LRPPRC: variants seen among roughly 807,000 people sequenced by gnomAD.
LRPPRC encodes the protein leucine rich pentatricopeptide repeat containing, also known as leucine-rich PPR motif-containing protein, mitochondrial.
A neutral mutation model predicts 180.3 loss-of-function variants in LRPPRC; 120 were observed. The ratio of observed to expected loss-of-function variants is 0.67; its 90% CI spans 0.57 to 0.77. The LOEUF is 0.77. LRPPRC is among the 30% of genes least tolerant of loss of function. LRPPRC has a pLI of 0.00. For missense variants in LRPPRC, 2,012 were observed against 1,657.2 expected (o/e 1.21, Z -3.72); for synonymous variants, 723 against 600.0 (o/e 1.21, Z -3.00).
intron 31 of LRPPRC, 174 bp from the exon 32 acceptor site, chr2:43,901,698 A>G (rs1670892543): frequency 1.6e-6 from 1 of 610,788 alleles, no homozygotes; most frequent in South Asian, 2.0e-5. Flanking sequence ...CCCAAAAATT[A>G]TTTACTTGAC....
At chr2:43,988,323 G>A (rs1674623810) in intron 1 of LRPPRC, among the ~76,000 whole-genome samples, 1 of 150,542 alleles carries the variant, frequency 6.6e-6, no homozygotes, top group South Asian at 2.1e-4. Context: ...GATCACCTGA[G>A]GTCGGGAGTT....
chr2:43,943,704 G>T lies in LRPPRC; in HGVS notation c.2487C>A (p.Val829=). The T allele has an allele frequency of 6.2e-7, 1 of 1,612,690 alleles. No individual in the cohort carries two copies. Among genetic ancestry groups the T allele is most frequent in the South Asian group, 1.1e-5 (1 of 91,034 alleles). ...TAACTTACTTTTCCAAGTGTACAGTGACCAATGGGAAACTTATGTTGGTGG... is the reference window on the plus strand; with the variant it reads ...TAACTTACTTTTCCAAGTGTACAGTTACCAATGGGAAACTTATGTTGGTGG... ...EPSTNISFPL[V]TVHLEKGDLS... Residue 829 remains valine, a synonymous_variant, in exon 23 of 38, where the codon GTC becomes GTA. Transcript: ENST00000260665.
At chr2:43,969,586 G>A (rs922610327) in intron 11 of LRPPRC, among the ~76,000 whole-genome samples, 2 of 152,090 alleles carry the variant, frequency 1.3e-5, no homozygotes, top group African/African-American at 2.4e-5. Flanking sequence ...TAGGAATGAT[G>A]ATAATAAAGC....
chr2:43,943,625 G>T, intron 23 of LRPPRC, 62 bp downstream of exon 23: 1 of 1,402,686 alleles, frequency 7.1e-7, no homozygotes. Flanking sequence ...AGTATAATCC[G>T]AAAATTATTA....
intron 22 of LRPPRC, among the ~76,000 whole-genome samples, chr2:43,944,909 A>G (rs1558984819): frequency 6.6e-6 from 1 of 152,104 alleles, no homozygotes; most frequent in Non-Finnish European, 1.5e-5. Flanking sequence ...TTAAAAAGTA[A>G]GGCAAAGACT....
At chr2:43,957,680 T>C (rs780938685) in intron 13 of LRPPRC, among the ~76,000 whole-genome samples, 5 of 152,230 alleles carry the variant, frequency 3.3e-5, no homozygotes, top group Non-Finnish European at 5.9e-5. Flanking sequence ...ATACAACTAA[T>C]TAATTTATAA....
intron 3 of LRPPRC, among the ~76,000 whole-genome samples, chr2:43,979,072 T>A (rs954584127): frequency 2.1e-4 from 32 of 152,142 alleles, no homozygotes; most frequent in African/African-American, 6.0e-4. Context: ...AAGATTTTTT[T>A]AAATCAGGAA....
chr2:43,986,201 G>C (rs1047107404), intron 1 of LRPPRC, among the ~76,000 whole-genome samples: 9 of 152,134 alleles, frequency 5.9e-5, no homozygotes, highest in African/African-American at 2.2e-4. Context: ...CGCGACCTCA[G>C]GTCACTGCAA....
chr2:43,904,463 T>A (rs966294807), intron 31 of LRPPRC: 2 of 151,326 alleles, frequency 1.3e-5, no homozygotes, highest in Non-Finnish European at 2.9e-5. Flanking sequence ...GAGGCCGAGG[T>A]GGGAGAATTA....
chr2:43,985,946 C>G (rs917635119), intron 1 of LRPPRC, among the ~76,000 whole-genome samples: 21 of 152,152 alleles, frequency 1.4e-4, no homozygotes, highest in Admixed American at 1.1e-3. Flanking sequence ...ATGAGAGTTC[C>G]TGTTGTCCTA....
chr2:43,920,137 G>A (rs1399905870), intron 27 of LRPPRC, among the ~76,000 whole-genome samples: 1 of 149,406 alleles, frequency 6.7e-6, no homozygotes, highest in East Asian at 2.0e-4. Flanking sequence ...ACAGATTGCA[G>A]CCTATATATT....
chr2:43,991,937 T>G (rs755103870), intron 1 of LRPPRC, among the ~76,000 whole-genome samples: 2 of 152,208 alleles, frequency 1.3e-5, no homozygotes, highest in Non-Finnish European at 2.9e-5. Flanking sequence ...CCTTCTTCAA[T>G]GTCTTAAGAT....
intron 31 of LRPPRC, chr2:43,904,788 AG>A (rs1324602530): frequency 1.2e-4 from 18 of 152,116 alleles, no homozygotes; most frequent in Admixed American, 9.8e-4. Flanking sequence ...TTACAGAGAT[AG>A]GAAGCAATAA....
intron 2 of LRPPRC, among the ~76,000 whole-genome samples, chr2:43,980,242 A>G (rs531096030): frequency 6.6e-6 from 1 of 152,286 alleles, no homozygotes; most frequent in East Asian, 1.9e-4. Context: ...GCTTGCTACA[A>G]TTCAAAGGCT....
intron 14 of LRPPRC, among the ~76,000 whole-genome samples, chr2:43,952,384 C>T (rs1672941957): frequency 6.6e-6 from 1 of 152,112 alleles, no homozygotes; most frequent in African/African-American, 2.4e-5. Context: ...CAAAAATAAA[C>T]GGTATCCTTC....
At chr2:43,952,297 A>G (rs1398039366) in intron 14 of LRPPRC, among the ~76,000 whole-genome samples, 1 of 152,220 alleles carries the variant, frequency 6.6e-6, no homozygotes, top group Non-Finnish European at 1.5e-5. Context: ...ACATATACCT[A>G]AAACAACTGA....
chr2:43,970,609 G>T (rs933042553), intron 11 of LRPPRC, among the ~76,000 whole-genome samples: 19 of 152,250 alleles, frequency 1.2e-4, no homozygotes, highest in African/African-American at 4.6e-4. Flanking sequence ...TTTCAATATA[G>T]CCATGAGAAA....
At position 43,991,665 on chromosome 2, in the gene LRPPRC, C is replaced by A. The variant is rs150189386; in HGVS notation, c.149+4134G>T. Among the ~76,000 whole-genome samples the A allele has an allele frequency of 5.9e-3, 899 of 152,228 alleles. 9 individuals are homozygous for A. The highest frequency in any genetic ancestry group is 0.021 in the African/African-American group (855 of 41,530). On this transcript the variant is annotated intron_variant, in intron 1 of 37. Transcript: ENST00000260665. Reference sequence around the variant, plus strand: ...GAGAACAGAGTAAAAGCTGGTTTTCCAGAAAGCATCTATTTGAAAAATAGA... The same window carrying A: ...GAGAACAGAGTAAAAGCTGGTTTTCAAGAAAGCATCTATTTGAAAAATAGA...
Position 43,975,999 on chromosome 2 carries a change from G to T in LRPPRC, c.737+144C>A, listed in dbSNP as rs1674037989. ...TATACTACAGATTTTTTTTTGAAGG[G>T]ATAGACAAATGTATTTTAAGAACTG... On this transcript the variant is annotated intron_variant, in intron 6 of 37. Coordinates refer to ENST00000260665, the MANE Select transcript of LRPPRC (RefSeq NM_133259.4). 3 of 611,298 alleles carry T rather than the reference G, an allele frequency of 4.9e-6. No homozygotes were observed. In the East Asian group the frequency reaches 8.3e-5, roughly 17 times the overall value. 37.9% of individuals were successfully genotyped at this position (611,298 alleles called of 1,614,324 possible).
Sources: gnomAD v4.1 joint callset for allele counts (sites outside exome capture counted in the v4.1 genomes callset) on GRCh38, gnomAD v4.1.1 for gene constraint, MANE v1.5 for transcripts, NCBI Gene and HGNC (gene_info 2026-07-23, HGNC 2026-07-21) for gene names.